VPS4A: variants seen among roughly 807,000 people sequenced by gnomAD.
The protein encoded by VPS4A is vacuolar protein sorting-associated protein 4A.
In VPS4A, 20 loss-of-function variants were observed where a neutral mutation model predicts 52.3. The ratio of observed to expected loss-of-function variants is 0.38; its 90% CI spans 0.27 to 0.56. The LOEUF is 0.56. Among genes scored for constraint, VPS4A ranks in the 20% least tolerant of loss-of-function variants. VPS4A has a pLI of 0.72. For synonymous variants in VPS4A, 293 were observed against 227.7 expected, an observed-to-expected ratio of 1.29 and a Z score of -2.58; for missense variants, 419 against 575.9, an observed-to-expected ratio of 0.73 and a Z score of 2.79.
chr16:69,322,599 G>C lies in VPS4A; in HGVS notation c.1111G>C (p.Asp371His). Residue 371 changes from aspartate to histidine, a missense_variant, in exon 10 of 11, where the codon GAT becomes CAT. Physicochemically the swap from Asp to His is moderately conservative, Grantham distance 81. Around this residue, in one of 3 missense-constraint regions of VPS4A, gnomAD observed 185 missense variants for 200.2 expected, o/e 0.92. Transcript: ENST00000254950. Reference protein sequence around the residue: ...PSRTNPSMMIDDLLTPCSPGD... With the variant: ...PSRTNPSMMIHDLLTPCSPGD... The stretch of plus-strand genomic sequence containing the variant: ...TCGCACCAACCCCAGCATGATGATT[G>C]ATGACCTCCTGACTCCATGCTCACC... 1 of 1,613,824 alleles carries C rather than the reference G, an allele frequency of 6.2e-7. No homozygotes were observed. The highest frequency in any genetic ancestry group is 8.5e-7 in the Non-Finnish European group (1 of 1,179,814).
chr16:69,320,710 G>A lies in VPS4A; in HGVS notation c.792G>A (p.Gly264=). The change falls in exon 8 of 11, where the codon GGG becomes GGA. Residue 264 remains glycine (G), a synonymous_variant. Coordinates refer to ENST00000254950, the MANE Select transcript of VPS4A (RefSeq NM_013245.3). This position sits in a 1 kb window ranked among gnomAD's most constrained non-coding sequence, Gnocchi z 4.2. ...CAGGGGTGGGGAATAACAATGATGG[G>A]ACTCTGGTTCTTGGAGCCACAAACA... ...QMQGVGNNND[G]TLVLGATNIP... The A allele has an allele frequency of 6.2e-7, 1 of 1,607,570 alleles. No homozygotes were observed. Among genetic ancestry groups the A allele is most frequent in the Non-Finnish European group, 8.5e-7 (1 of 1,177,178 alleles).
chr16:69,320,952 A>G lies in VPS4A; in HGVS notation c.852-99A>G. 7.5e-7 allele frequency: 1 copy of G among 1,337,494 alleles called. No individual in the cohort carries two copies. The highest frequency in any genetic ancestry group is 1.0e-6 in the Non-Finnish European group (1 of 962,042). 82.9% of individuals were successfully genotyped at this position (1,337,494 alleles called of 1,614,324 possible). On this transcript the variant is annotated intron_variant, in intron 8 of 10. Coordinates refer to ENST00000254950, the MANE Select transcript of VPS4A (RefSeq NM_013245.3). The surrounding 1 kb of genome is among the most constrained non-coding windows in gnomAD (Gnocchi z 4.2). ...GATGTGCCGCCAGCATCACTGGCCC[A>G]TGAAATGCGTCCGTTTCACTCAAAT...
At chr16:69,318,509 T>TAA (rs1965466215) in intron 3 of VPS4A, 141 bp from the exon 4 acceptor site, 1 of 874,694 alleles carries the variant, frequency 1.1e-6, no homozygotes, top group Admixed American at 2.4e-5. Flanking sequence ...CTGAAGTACT[T>TAA]GCTTGAGTCA....
At chr16:69,314,520 C>T (rs1965412827) in intron 1 of VPS4A, among the ~76,000 whole-genome samples, 1 of 152,078 alleles carries the variant, frequency 6.6e-6, no homozygotes, top group African/African-American at 2.4e-5. Flanking sequence ...CAAGGGCAGC[C>T]TGTGCCTAAG....
intron 9 of VPS4A, 157 bp from the exon 10 acceptor site, chr16:69,322,403 C>T (rs1444200819): frequency 4.0e-5 from 27 of 676,690 alleles, no homozygotes; most frequent in East Asian, 3.8e-4. Flanking sequence ...AATCATGAGT[C>T]GCTCGGACCA....
chr16:69,319,001 C>G, intron 5 of VPS4A, 59 bp downstream of exon 5: 1 of 1,583,494 alleles, frequency 6.3e-7, no homozygotes, highest in Non-Finnish European at 8.6e-7. Flanking sequence ...GCAGGGCTGG[C>G]ACTCCGAGGC....
intron 10 of VPS4A, chr16:69,323,324 CTT>C (rs371858068): frequency 2.5e-5 from 5 of 199,208 alleles, no homozygotes; most frequent in Middle Eastern, 1.8e-3. Context: ...CTAATTTTTC[CTT>C]TTTTTTTTAG....
rs1026275809 is a variant in VPS4A at position 69,318,853 on chromosome 16, G to A, written c.374G>A (p.Arg125Gln). ...GAVVMEKPNIRWNDVAGLEGA... is the reference protein window; with the variant it reads ...GAVVMEKPNIQWNDVAGLEGA... ...GTCGTGATGGAGAAGCCCAACATAC[G>A]GTGGAACGACGTGGCCGGGCTGGAG... is the stretch of plus-strand genomic sequence containing the variant. The change falls in exon 5 of 11, where the codon CGG becomes CAG. Residue 125 changes from arginine to glutamine, a missense_variant. Physicochemically the swap from Arg to Gln is conservative, Grantham distance 43. Transcript: ENST00000254950. The A allele has an allele frequency of 2.0e-5, 32 of 1,613,460 alleles. No homozygotes were observed. Among genetic ancestry groups the A allele is most frequent in the East Asian group, 2.2e-5 (1 of 44,864 alleles).
chr16:69,322,427 C>G (rs1320460661), intron 9 of VPS4A, 133 bp from the exon 10 acceptor site: 2 of 1,012,926 alleles, frequency 2.0e-6, no homozygotes, highest in Non-Finnish European at 2.7e-6. Context: ...AGCCCGAGTT[C>G]TGAAGGAGCC....
At chr16:69,311,597 C>T (rs1965378696) in intron 1 of VPS4A, 65 bp downstream of exon 1, 8 of 1,230,004 alleles carry the variant, frequency 6.5e-6, no homozygotes, top group Non-Finnish European at 6.1e-6. Context: ...GCCGCAGAGC[C>T]GGGCGGCGGG....
chr16:69,323,249 C>T (rs79514440), intron 10 of VPS4A: 141 of 178,834 alleles, frequency 7.9e-4, no homozygotes, highest in Middle Eastern at 5.2e-3. Flanking sequence ...CTTGACCTCA[C>T]GAGCTCACAC....
At chr16:69,318,375 T>TA (rs1965464246) in intron 3 of VPS4A, among the ~76,000 whole-genome samples, 2 of 152,188 alleles carry the variant, frequency 1.3e-5, no homozygotes, top group Non-Finnish European at 2.9e-5. Flanking sequence ...ACATTTCCCT[T>TA]ACGGCCTTCA....
At position 69,319,621 on chromosome 16, in the gene VPS4A, CCT is replaced by C; in HGVS notation, c.620+82_620+83del. The C allele has an allele frequency of 4.6e-6, 7 of 1,528,408 alleles. No individual in the cohort carries two copies. In the South Asian group the frequency reaches 4.9e-5, roughly 11 times the overall value. The allele number at this position is 1,528,408 out of a possible 1,614,324, so 94.7% of individuals were successfully genotyped here. ...CCCAGCGGCCCACCCTGTGGAGTCACCTCTCAGAGGAGTGGTTTGGTTTTCAG... is the reference window on the plus strand; with the variant it reads ...CCCAGCGGCCCACCCTGTGGAGTCACCTCAGAGGAGTGGTTTGGTTTTCAG... On this transcript the variant is annotated intron_variant, in intron 6 of 10. Coordinates refer to ENST00000254950, the MANE Select transcript of VPS4A (RefSeq NM_013245.3).
In VPS4A at chr16:69,321,389, C is replaced by A. The variant is rs1451282224; in HGVS notation, c.1071+119C>A. 1.7e-6 allele frequency: 2 copies of A among 1,148,390 alleles called. No individual in the cohort carries two copies. Among genetic ancestry groups the A allele is most frequent in the Non-Finnish European group, 2.4e-6 (2 of 817,680 alleles). The allele number at this position is 1,148,390 out of a possible 1,614,324, so 71.1% of individuals were successfully genotyped here. On this transcript the variant is annotated intron_variant, in intron 9 of 10. Coordinates refer to ENST00000254950, the MANE Select transcript of VPS4A (RefSeq NM_013245.3). The surrounding 1 kb of genome is among the most constrained non-coding windows in gnomAD (Gnocchi z 4.5). ...GCTCAGGTGACACAGTCTCTGAGGC[C>A]TCCTGGAGAGCCGAGGGCCAGTGCC... is the stretch of plus-strand genomic sequence containing the variant.
At chr16:69,313,065 G>A (rs1209821798) in intron 1 of VPS4A, among the ~76,000 whole-genome samples, 3 of 151,382 alleles carry the variant, frequency 2.0e-5, no homozygotes, top group Non-Finnish European at 2.9e-5. Flanking sequence ...TGCGGCCTCC[G>A]CCTCCTGGGT....
chr16:69,311,821 G>T (rs1428308202), intron 1 of VPS4A, among the ~76,000 whole-genome samples: 1 of 152,222 alleles, frequency 6.6e-6, no homozygotes, highest in East Asian at 1.9e-4. Flanking sequence ...CACCCGAGCC[G>T]CACAGGCACC....
intron 5 of VPS4A, 76 bp downstream of exon 5, chr16:69,319,018 G>C: frequency 6.4e-7 from 1 of 1,564,812 alleles, no homozygotes; most frequent in Non-Finnish European, 8.6e-7. Context: ...AGGCACCCGG[G>C]AGTCAGTGGC....
intron 10 of VPS4A, 124 bp from the exon 11 acceptor site, chr16:69,324,084 A>AGGCCTCT: frequency 1.2e-6 from 1 of 852,342 alleles, no homozygotes; most frequent in Non-Finnish European, 1.8e-6. Flanking sequence ...AGATTCAAGC[A>AGGCCTCT]GGCCTCTGGG....
At chr16:69,315,542 C>T (rs150911155) in intron 1 of VPS4A, among the ~76,000 whole-genome samples, 1 of 152,162 alleles carries the variant, frequency 6.6e-6, no homozygotes, top group Non-Finnish European at 1.5e-5. Context: ...ACTTGCAGTC[C>T]GGGCAGGACT....
Sources: gnomAD v4.1 joint callset for allele counts (sites outside exome capture counted in the v4.1 genomes callset) on GRCh38, gnomAD v4.1.1 for gene constraint, gnomAD v4.1.1 regional missense constraint, Gnocchi (gnomAD v3.1) non-coding constraint, MANE v1.5 for transcripts, NCBI Gene and HGNC (gene_info 2026-07-23, HGNC 2026-07-21) for gene names.